Variants in VRK1 observed in about 807,000 individuals in gnomAD.
The protein encoded by VRK1 is serine/threonine-protein kinase VRK1.
Under a neutral mutation model 57.1 loss-of-function variants are expected in VRK1, and 33 were observed. The observed-to-expected ratio is 0.58, with a 90% CI of 0.44 to 0.77. The LOEUF (loss-of-function observed/expected upper bound fraction) is 0.77, where lower values mean the gene tolerates loss of function less well. VRK1 is among the 30% of genes least tolerant of loss of function. VRK1 has a pLI of 0.00. For missense variants in VRK1, 413 were observed against 477.3 expected (o/e 0.87, Z 1.25); for synonymous variants, 137 against 147.8 (o/e 0.93, Z 0.53).
At chr14:96,807,297 G>T (rs1230306592) in intron 1 of VRK1, among the ~76,000 whole-genome samples, 1 of 152,164 alleles carries the variant, frequency 6.6e-6, no homozygotes, top group Admixed American at 6.5e-5. Context: ...GAGAAATGTG[G>T]AACAGGCTGA....
chr14:96,833,512 C>T lies in VRK1; in HGVS notation c.41C>T (p.Ser14Phe), dbSNP rs1595660436. Reference protein sequence around the residue: ...VKAAQAGRQSSAKRHLAEQFA... With the variant: ...VKAAQAGRQSFAKRHLAEQFA... ...GCAGCTCAAGCTGGAAGACAGAGCT[C>T]TGCAAAGAGACATCTTGCAGAACAA... Residue 14 changes from serine to phenylalanine, a missense_variant, in exon 2 of 13, where the codon TCT becomes TTT. Around this residue, in one of 3 missense-constraint regions of VRK1, gnomAD observed 116 missense variants for 113.6 expected, o/e 1.02. Transcript: ENST00000216639. The T allele has an allele frequency of 6.2e-7, 1 of 1,613,730 alleles. No homozygotes were observed. The highest frequency in any genetic ancestry group is 1.1e-5 in the South Asian group (1 of 91,072).
intron 5 of VRK1, among the ~76,000 whole-genome samples, chr14:96,851,250 C>T (rs1018652929): frequency 1.3e-5 from 2 of 152,094 alleles, no homozygotes; most frequent in African/African-American, 2.4e-5. Context: ...AAGCAATTCT[C>T]CTGCCTTAGC....
chr14:96,847,908 A>G (rs768344609), intron 5 of VRK1, among the ~76,000 whole-genome samples: 2 of 152,230 alleles, frequency 1.3e-5, no homozygotes, highest in African/African-American at 2.4e-5. Context: ...CAGAGAATGG[A>G]GAGAATGAAT....
intron 1 of VRK1, among the ~76,000 whole-genome samples, chr14:96,805,635 A>C (rs1885842453): frequency 1.3e-5 from 2 of 152,242 alleles, no homozygotes; most frequent in African/African-American, 4.8e-5. Flanking sequence ...GTCAACAAAT[A>C]GAACCTGTAT....
intron 2 of VRK1, 30 bp from the exon 3 acceptor site, chr14:96,837,732 T>C (rs1325461576): frequency 1.4e-6 from 2 of 1,449,724 alleles, no homozygotes; most frequent in Non-Finnish European, 1.9e-6. Context: ...TTACTTGTTC[T>C]GATATCAAAT....
chr14:96,844,474 C>T (rs1192604560), intron 3 of VRK1, among the ~76,000 whole-genome samples: 6 of 152,150 alleles, frequency 3.9e-5, no homozygotes, highest in Admixed American at 2.6e-4. Context: ...GTGTGTTGCC[C>T]ATTTACTGTT....
chr14:96,860,486 A>G (rs1888340906), intron 10 of VRK1, 71 bp from the exon 11 acceptor site: 3 of 1,436,180 alleles, frequency 2.1e-6, no homozygotes, highest in African/African-American at 2.9e-5. Flanking sequence ...TACTATAACC[A>G]TGAATTATTT....
At position 96,855,348 on chromosome 14, in the gene VRK1, A is replaced by G. The variant is rs369310409; in HGVS notation, c.701A>G (p.Asn234Ser). The change falls in exon 8 of 13, where the codon AAT (asparagine) becomes AGT (serine). Residue 234 changes from asparagine to serine, a missense_variant. By Grantham distance (46) the Asn-to-Ser change is conservative (BLOSUM62 1). Coordinates refer to ENST00000216639, the MANE Select transcript of VRK1 (RefSeq NM_003384.3). ...TIEFTSIDAH[N>S]GVAPSRRGDL... ...GAATTCACGAGCATCGATGCACACA[A>G]TGGCGTGGGTATGTCAGTAGTACTG... 3.9e-5 allele frequency: 63 copies of G among 1,613,926 alleles called. No individual in the cohort carries two copies. Among genetic ancestry groups the G allele is most frequent in the Non-Finnish European group, 5.1e-5 (60 of 1,179,912 alleles).
chr14:96,841,305 T>C (rs373640291), intron 3 of VRK1, among the ~76,000 whole-genome samples: 10 of 152,216 alleles, frequency 6.6e-5, no homozygotes, highest in Admixed American at 2.0e-4. Flanking sequence ...TTTTAACTTA[T>C]ATAGTTAAGA....
rs200064406 is a variant in VRK1 at position 96,864,918 on chromosome 14, AT to A, written c.1068+4186del. ...GAAGTACATTTCAAATCGTTTGCCT[AT>A]TTAAAAAAAAAAAATTGGGGTCGTT... On this transcript the variant is annotated intron_variant, in intron 11 of 12. Transcript: ENST00000216639. 1.1e-4 allele frequency among the ~76,000 whole-genome samples: 15 copies of A among 131,808 alleles called. No individual in the cohort carries two copies. The East Asian group carries it at 1.4e-3, about 12-fold the overall frequency. 86.5% of individuals were successfully genotyped at this position (131,808 alleles called of 152,430 possible).
intron 1 of VRK1, among the ~76,000 whole-genome samples, chr14:96,808,019 G>GTCTCTCTCTCTCTCTCTCCC (rs1566683621): frequency 2.9e-5 from 1 of 34,246 alleles, no homozygotes; most frequent in African/African-American, 7.3e-5. Flanking sequence ...CTCTCCCTCT[G>GTCTCTCTCTCTCTCTCTCCC]TGTGTGTGTG....
intron 11 of VRK1, among the ~76,000 whole-genome samples, chr14:96,868,499 A>C (rs10133372): frequency 0.049 from 7,391 of 152,270 alleles, 630 homozygotes; most frequent in African/African-American, 0.17. Context: ...GGCATAGCAA[A>C]TACAGGGCAT....
At chr14:96,820,124 G>C (rs936272479) in intron 1 of VRK1, among the ~76,000 whole-genome samples, 2 of 142,668 alleles carry the variant, frequency 1.4e-5, no homozygotes, top group African/African-American at 5.3e-5. Context: ...CACTAAGCTT[G>C]TTGTTGCCGA....
chr14:96,808,525 A>G (rs1228793825), intron 1 of VRK1, among the ~76,000 whole-genome samples: 1 of 152,200 alleles, frequency 6.6e-6, no homozygotes. Context: ...TCTAGCCCTC[A>G]GAAGCCCAGA....
intron 12 of VRK1, among the ~76,000 whole-genome samples, chr14:96,879,244 T>G (rs111746662): frequency 0.033 from 4,995 of 151,506 alleles, 281 homozygotes; most frequent in African/African-American, 0.11. Flanking sequence ...GATAAGGTAG[T>G]TTTTTTTGTA....
intron 1 of VRK1, among the ~76,000 whole-genome samples, chr14:96,808,119 G>A (rs1028787115): frequency 6.6e-6 from 1 of 151,772 alleles, no homozygotes; most frequent in African/African-American, 2.4e-5. Flanking sequence ...AGGCAGCTGG[G>A]CAGAAAGGAA....
intron 2 of VRK1, among the ~76,000 whole-genome samples, chr14:96,837,364 C>G (rs948921596): frequency 1.3e-5 from 2 of 152,170 alleles, no homozygotes; most frequent in African/African-American, 4.8e-5. Context: ...ATTTCTTACT[C>G]TTCAGATGCT....
At chr14:96,872,560 T>A (rs1387034565) in intron 11 of VRK1, among the ~76,000 whole-genome samples, 1 of 152,190 alleles carries the variant, frequency 6.6e-6, no homozygotes, top group Admixed American at 6.5e-5. Flanking sequence ...AAACTGCTGC[T>A]TCCTACTGAA....
intron 1 of VRK1, among the ~76,000 whole-genome samples, chr14:96,806,237 G>A (rs1343998715): frequency 1.3e-5 from 2 of 152,176 alleles, no homozygotes; most frequent in East Asian, 1.9e-4. Flanking sequence ...GAGCTTTCAC[G>A]CCTATGGATA....
Sources: gnomAD v4.1 joint callset for allele counts (sites outside exome capture counted in the v4.1 genomes callset) on GRCh38, gnomAD v4.1.1 for gene constraint, gnomAD v4.1.1 regional missense constraint, MANE v1.5 for transcripts, NCBI Gene and HGNC (gene_info 2026-07-23, HGNC 2026-07-21) for gene names.